Variants in FCAR observed in about 807,000 individuals in gnomAD.
The protein encoded by FCAR is Fc alpha receptor.
In FCAR, 21 loss-of-function variants were observed where a neutral mutation model predicts 27.1. The observed-to-expected ratio is 0.77, with a 90% CI of 0.55 to 1.11. The LOEUF is 1.11. Among genes scored for constraint, FCAR ranks in the 50% most tolerant of loss-of-function variants. The pLI, the probability that FCAR is intolerant of heterozygous loss-of-function variation, is 0.00. For synonymous variants in FCAR, 134 were observed against 135.8 expected, an observed-to-expected ratio of 0.99 and a Z score of 0.09; for missense variants, 404 against 358.4, an observed-to-expected ratio of 1.13 and a Z score of -1.03.
chr19:54,887,266 T>C (rs1242096182), intron 3 of FCAR, among the ~76,000 whole-genome samples: 1 of 152,090 alleles, frequency 6.6e-6, no homozygotes, highest in Non-Finnish European at 1.5e-5. Context: ...GCCGTGATTA[T>C]GCCACTGCCC....
At chr19:54,889,583 G>T (rs1291196575) in intron 4 of FCAR, 66 bp from the exon 5 acceptor site, 3 of 1,373,092 alleles carry the variant, frequency 2.2e-6, no homozygotes, top group Admixed American at 3.4e-5. Flanking sequence ...CCGTTTCAGG[G>T]CTCTGGGGTT....
rs1044159718 is a variant in FCAR at position 54,890,330 on chromosome 19, A to C, written c.*467A>C. 1 of 153,742 alleles carries C rather than the reference A, an allele frequency of 6.5e-6. No homozygotes were observed. The highest frequency in any genetic ancestry group is 2.4e-5 in the African/African-American group (1 of 41,420). The allele number at this position is 153,742 out of a possible 1,614,324, so 9.5% of individuals were successfully genotyped here. On this transcript the variant is annotated 3_prime_UTR_variant, in exon 5 of 5. Transcript: ENST00000355524. Reference sequence around the variant, plus strand: ...ATTTGCACCCACCTTTCTGCACATAAGTTATGGTTTTCCATCTTATCTGTC... The same window carrying C: ...ATTTGCACCCACCTTTCTGCACATACGTTATGGTTTTCCATCTTATCTGTC...
chr19:54,881,374 T>C (rs1303707258), intron 2 of FCAR, among the ~76,000 whole-genome samples: 3 of 152,126 alleles, frequency 2.0e-5, no homozygotes, highest in Non-Finnish European at 4.4e-5. Context: ...ACCACCGCAG[T>C]GGCAGCGGCA....
intron 2 of FCAR, among the ~76,000 whole-genome samples, chr19:54,883,310 C>G (rs1248785972): frequency 6.6e-6 from 1 of 151,772 alleles, no homozygotes; most frequent in Non-Finnish European, 1.5e-5. Flanking sequence ...GGCAGTAGTG[C>G]TCTGTGGTTG....
At chr19:54,879,965 G>A (rs2066321623) in intron 2 of FCAR, among the ~76,000 whole-genome samples, 2 of 152,174 alleles carry the variant, frequency 1.3e-5, no homozygotes, top group African/African-American at 2.4e-5. Context: ...GATTACAGGC[G>A]TGAGCCACCG....
At chr19:54,879,056 T>A (rs192141545) in intron 2 of FCAR, among the ~76,000 whole-genome samples, 2 of 147,844 alleles carry the variant, frequency 1.4e-5, no homozygotes, top group South Asian at 2.2e-4. Context: ...TTTTTTTTTT[T>A]ATTAGAGATG....
At chr19:54,886,604 C>A (rs1255828529) in intron 3 of FCAR, among the ~76,000 whole-genome samples, 3 of 152,040 alleles carry the variant, frequency 2.0e-5, no homozygotes, top group Non-Finnish European at 4.4e-5. Flanking sequence ...CCACGCCCGG[C>A]CCCCGAAAAT....
chr19:54,876,904 G>A (rs1056405950), intron 2 of FCAR, among the ~76,000 whole-genome samples: 30 of 152,344 alleles, frequency 2.0e-4, no homozygotes, highest in South Asian at 1.2e-3. Context: ...CTGGGCAACA[G>A]AGCGAGACTC....
intron 2 of FCAR, among the ~76,000 whole-genome samples, chr19:54,877,916 A>ATTTTTTTTTTTTTTTTTTTTTTTTTT (rs757104692): frequency 7.0e-6 from 1 of 143,464 alleles, no homozygotes; most frequent in Non-Finnish European, 1.5e-5. Flanking sequence ...TTTGCTAAGG[A>ATTTTTTTTTTTTTTTTTTTTTTTTTT]TTGTTTTTTT....
chr19:54,886,257 C>A (rs1209372084), intron 3 of FCAR, among the ~76,000 whole-genome samples: 1 of 128,002 alleles, frequency 7.8e-6, no homozygotes, highest in Non-Finnish European at 1.7e-5. Flanking sequence ...CACACACACA[C>A]ACACAAAAAG....
Position 54,874,830 on chromosome 19 carries a change from G to A in FCAR, c.35-500G>A, listed in dbSNP as rs2066000266. On this transcript the variant is annotated intron_variant, in intron 1 of 4. Transcript: ENST00000355524. ...TGGCCTCATAGAATGAGTTGGGGAG[G>A]AGTCCCTCCTCCAGGATTTTTTTCA... Among the ~76,000 whole-genome samples the A allele has an allele frequency of 3.9e-5, 6 of 152,214 alleles. No homozygotes were observed. The South Asian group carries it at 1.2e-3, about 32-fold the overall frequency.
At position 54,887,871 on chromosome 19, in the gene FCAR, C is replaced by G. The variant is rs1415885365; in HGVS notation, c.362-136C>G. ...GACGGAGGTTGCAGTGAGCTGAGAT[C>G]ACGCCACTGCACTCCAGCTTGGGCA... On this transcript the variant is annotated intron_variant, in intron 3 of 4. Coordinates refer to ENST00000355524, the MANE Select transcript of FCAR (RefSeq NM_002000.4). 5.0e-6 allele frequency: 3 copies of G among 605,030 alleles called. No homozygotes were observed. In the African/African-American group the frequency reaches 5.7e-5, roughly 11 times the overall value. 37.5% of individuals were successfully genotyped at this position (605,030 alleles called of 1,614,324 possible).
intron 2 of FCAR, among the ~76,000 whole-genome samples, chr19:54,879,931 C>T (rs967938661): frequency 2.0e-5 from 3 of 152,176 alleles, no homozygotes; most frequent in Non-Finnish European, 2.9e-5. Context: ...GTGATCCGCC[C>T]GCCTTGGTCT....
chr19:54,887,007 C>G (rs144751777), intron 3 of FCAR, among the ~76,000 whole-genome samples: 2 of 148,264 alleles, frequency 1.3e-5, no homozygotes. Flanking sequence ...CACCGTGGCT[C>G]GTGCCTGTAA....
chr19:54,881,880 CAAATAAATAAATAAATAAAT>C (rs59590774), intron 2 of FCAR, among the ~76,000 whole-genome samples: 27 of 129,536 alleles, frequency 2.1e-4, no homozygotes, highest in East Asian at 1.7e-3. Context: ...GACTCCGTCT[CAAATAAATAAATAAATAAAT>C]AAATAAATAA....
At chr19:54,888,370 G>A (rs183206778) in intron 4 of FCAR, 76 bp downstream of exon 4, 11 of 1,563,748 alleles carry the variant, frequency 7.0e-6, no homozygotes, top group African/African-American at 6.8e-5. Context: ...ATATGAAGAC[G>A]TGCACTGAGA....
intron 2 of FCAR, among the ~76,000 whole-genome samples, chr19:54,878,752 T>A (rs587772720): frequency 9.5e-4 from 35 of 36,970 alleles, no homozygotes; most frequent in African/African-American, 5.3e-3. Flanking sequence ...AGCTCCTGCA[T>A]TTTTTTTTTT....
intron 4 of FCAR, chr19:54,888,532 T>G (rs1469983164): frequency 1.5e-6 from 2 of 1,347,978 alleles, no homozygotes; most frequent in African/African-American, 2.9e-5. Context: ...GCTAACTCAG[T>G]TTGTTTCATT....
At chr19:54,882,828 GT>G (rs1162076152) in intron 2 of FCAR, among the ~76,000 whole-genome samples, 1 of 152,092 alleles carries the variant, frequency 6.6e-6, no homozygotes, top group Non-Finnish European at 1.5e-5. Context: ...ATTTCTGGGT[GT>G]TTTCAGATGC....
Sources: allele counts gnomAD v4.1 joint callset (sites outside exome capture counted in the v4.1 genomes callset), GRCh38; gene constraint gnomAD v4.1.1; transcripts MANE v1.5; gene names NCBI Gene and HGNC (gene_info 2026-07-23, HGNC 2026-07-21).